Variants in SLCO5A1 observed in about 807,000 individuals in gnomAD.
The protein encoded by SLCO5A1 is solute carrier organic anion transporter family member 5A1.
A neutral mutation model predicts 65.1 loss-of-function variants in SLCO5A1; 39 were observed. That is an observed-to-expected ratio of 0.60 (90% CI 0.46 to 0.78). The LOEUF is 0.78. SLCO5A1 is among the 30% of genes least tolerant of loss of function. SLCO5A1 has a pLI of 0.00. For synonymous variants in SLCO5A1, 438 were observed against 415.7 expected, an observed-to-expected ratio of 1.05 and a Z score of -0.65; for missense variants, 1,029 against 1,069.4, an observed-to-expected ratio of 0.96 and a Z score of 0.53.
At chr8:69,709,582 G>C (rs1815132870) in intron 5 of SLCO5A1, among the ~76,000 whole-genome samples, 1 of 152,150 alleles carries the variant, frequency 6.6e-6, no homozygotes, top group African/African-American at 2.4e-5. Context: ...AAAGTAGGAA[G>C]GAACAAATAT....
intron 6 of SLCO5A1, among the ~76,000 whole-genome samples, chr8:69,690,295 T>G (rs1216673255): frequency 1.3e-5 from 2 of 152,246 alleles, no homozygotes; most frequent in Non-Finnish European, 2.9e-5. Flanking sequence ...ACTCCCACCA[T>G]TTACCTGTGC....
At chr8:69,702,321 T>C (rs1047587250) in intron 6 of SLCO5A1, among the ~76,000 whole-genome samples, 1 of 152,188 alleles carries the variant, frequency 6.6e-6, no homozygotes, top group African/African-American at 2.4e-5. Flanking sequence ...CACCCCAATT[T>C]ACAGAAGTAG....
At chr8:69,808,163 C>CTT (rs879693167) in intron 2 of SLCO5A1, among the ~76,000 whole-genome samples, 2 of 139,028 alleles carry the variant, frequency 1.4e-5, no homozygotes, top group African/African-American at 5.3e-5. Context: ...GTAATGAAAG[C>CTT]TTTTTTTTTT....
chr8:69,778,417 T>C (rs977946623), intron 2 of SLCO5A1, among the ~76,000 whole-genome samples: 3 of 152,136 alleles, frequency 2.0e-5, no homozygotes, highest in African/African-American at 4.8e-5. Context: ...TTGAGTTGTA[T>C]ACTTAGAGTA....
intron 4 of SLCO5A1, among the ~76,000 whole-genome samples, chr8:69,743,304 A>G (rs958811767): frequency 1.3e-5 from 2 of 152,158 alleles, no homozygotes; most frequent in African/African-American, 4.8e-5. Flanking sequence ...TCATTTGTTA[A>G]ATAAGTCATA....
chr8:69,815,386 C>T (rs1820361923), intron 2 of SLCO5A1, among the ~76,000 whole-genome samples: 1 of 152,074 alleles, frequency 6.6e-6, no homozygotes, highest in Admixed American at 6.5e-5. Context: ...GTTAGACCTC[C>T]ACCTATGAAA....
chr8:69,706,359 T>C (rs1814967807), intron 5 of SLCO5A1, among the ~76,000 whole-genome samples: 1 of 152,224 alleles, frequency 6.6e-6, no homozygotes, highest in Admixed American at 6.5e-5. Context: ...AGGAGGTTCC[T>C]CTGGTGCTGA....
At chr8:69,690,146 C>T (rs1005581405) in intron 6 of SLCO5A1, among the ~76,000 whole-genome samples, 11 of 152,330 alleles carry the variant, frequency 7.2e-5, no homozygotes, top group South Asian at 2.1e-4. Context: ...CTTCTTTCCC[C>T]GCTGATTCCG....
At chr8:69,717,392 A>C (rs1388077228) in intron 5 of SLCO5A1, among the ~76,000 whole-genome samples, 3 of 152,172 alleles carry the variant, frequency 2.0e-5, no homozygotes, top group African/African-American at 7.2e-5. Flanking sequence ...ACTCTTGTCA[A>C]AAATCAGTTG....
intron 2 of SLCO5A1, among the ~76,000 whole-genome samples, chr8:69,770,930 C>T (rs1818292652): frequency 6.6e-6 from 1 of 152,146 alleles, no homozygotes. Context: ...TAACTTTCTC[C>T]TGCAGATTTA....
intron 8 of SLCO5A1, among the ~76,000 whole-genome samples, chr8:69,679,023 C>T (rs1813658327): frequency 6.6e-6 from 1 of 152,196 alleles, no homozygotes; most frequent in African/African-American, 2.4e-5. Context: ...TCCTGCCCTC[C>T]TCTGGGGTCC....
rs1160031716 is a variant in SLCO5A1 at position 69,668,079 on chromosome 8, GA to G, written c.*4789del. Reference sequence around the variant, plus strand: ...AATGTTGCAAAAGCAAACACCTAGGGAGGGTTTTTTGTTTTCTGTTTTTTGT... The same window carrying G: ...AATGTTGCAAAAGCAAACACCTAGGGGGGTTTTTTGTTTTCTGTTTTTTGT... On this transcript the variant is annotated 3_prime_UTR_variant, in exon 10 of 10. Coordinates refer to ENST00000260126, the MANE Select transcript of SLCO5A1 (RefSeq NM_030958.3). 1 of 152,188 alleles carries G rather than the reference GA, an allele frequency of 6.6e-6. No individual in the cohort carries two copies. Among genetic ancestry groups the G allele is most frequent in the East Asian group, 1.9e-4 (1 of 5,196 alleles). 9.4% of individuals were successfully genotyped at this position (152,188 alleles called of 1,614,324 possible).
intron 5 of SLCO5A1, among the ~76,000 whole-genome samples, chr8:69,711,012 GTCC>G (rs386726504): frequency 2.0e-5 from 3 of 151,586 alleles, no homozygotes; most frequent in South Asian, 2.1e-4. Flanking sequence ...CCTTCATACT[GTCC>G]CCCCCACTCA....
At chr8:69,769,805 A>ATAG (rs1818235917) in intron 2 of SLCO5A1, among the ~76,000 whole-genome samples, 1 of 152,118 alleles carries the variant, frequency 6.6e-6, no homozygotes, top group South Asian at 2.1e-4. Context: ...ATCTTTCTGG[A>ATAG]GTTGAACACG....
At chr8:69,715,974 C>G (rs1386221298) in intron 5 of SLCO5A1, among the ~76,000 whole-genome samples, 1 of 152,054 alleles carries the variant, frequency 6.6e-6, no homozygotes, top group Non-Finnish European at 1.5e-5. Context: ...GCTATCACAC[C>G]CAGCCCTCCC....
At chr8:69,761,045 G>A (rs1331361618) in intron 3 of SLCO5A1, among the ~76,000 whole-genome samples, 1 of 152,096 alleles carries the variant, frequency 6.6e-6, no homozygotes, top group Non-Finnish European at 1.5e-5. Context: ...TTTTTTTAAG[G>A]CACAGAAAAG....
At chr8:69,750,647 C>T (rs1015778228) in intron 4 of SLCO5A1, among the ~76,000 whole-genome samples, 1 of 152,198 alleles carries the variant, frequency 6.6e-6, no homozygotes, top group Non-Finnish European at 1.5e-5. Context: ...CACCCGCCTC[C>T]ACCTACTGAA....
chr8:69,733,726 C>T (rs1462913185), intron 5 of SLCO5A1, among the ~76,000 whole-genome samples: 3 of 152,196 alleles, frequency 2.0e-5, no homozygotes, highest in African/African-American at 7.2e-5. Flanking sequence ...CACTCTCTTT[C>T]ACCTGCCACT....
chr8:69,828,462 C>T lies in SLCO5A1; in HGVS notation c.907+3305G>A, dbSNP rs376990774. On this transcript the variant is annotated intron_variant, in intron 2 of 9. Coordinates refer to ENST00000260126, the MANE Select transcript of SLCO5A1 (RefSeq NM_030958.3). ...CTAAAAATACAAAAAATTAGCTGGG[C>T]GTGGTGGTGGGCGCCTGTAGTCCCA... 1.6e-4 allele frequency among the ~76,000 whole-genome samples: 25 copies of T among 151,818 alleles called. No homozygotes were observed. In the South Asian group the frequency reaches 4.6e-3, roughly 28 times the overall value.
Sources: gnomAD v4.1 joint callset for allele counts (sites outside exome capture counted in the v4.1 genomes callset) on GRCh38, gnomAD v4.1.1 for gene constraint, MANE v1.5 for transcripts, NCBI Gene and HGNC (gene_info 2026-07-23, HGNC 2026-07-21) for gene names.